The following DLG2 variants were observed in gnomAD, a reference collection of about 807,000 sequenced individuals.
DLG2 encodes disks large homolog 2.
A neutral mutation model predicts 132.5 loss-of-function variants in DLG2; 45 were observed. The observed-to-expected ratio is 0.34, with a 90% CI of 0.27 to 0.44. DLG2 has a LOEUF of 0.44. Ranked by LOEUF, DLG2 falls within the 20% of genes least tolerant of loss-of-function variation. The pLI is 1.00. For synonymous variants in DLG2, 424 were observed against 419.6 expected (o/e 1.01, Z -0.13); for missense variants, 1,045 against 1,196.9 (o/e 0.87, Z 1.87).
At chr11:84,177,727 G>A (rs1164424902) in intron 8 of DLG2, among the ~76,000 whole-genome samples, 1 of 152,120 alleles carries the variant, frequency 6.6e-6, no homozygotes, top group East Asian at 1.9e-4. Context: ...TGTAAGTGGG[G>A]TCAAAATGAA....
chr11:85,072,179 C>A (rs1217331491), intron 6 of DLG2, among the ~76,000 whole-genome samples: 2 of 151,768 alleles, frequency 1.3e-5, no homozygotes, highest in South Asian at 2.1e-4. Context: ...CTAATTTTTA[C>A]AATAGGCCAT....
At chr11:85,084,925 C>T (rs2154173394) in intron 6 of DLG2, among the ~76,000 whole-genome samples, 1 of 152,230 alleles carries the variant, frequency 6.6e-6, no homozygotes, top group East Asian at 1.9e-4. Flanking sequence ...CGAAGATAGC[C>T]TCTCAAAGCT....
chr11:83,796,808 T>G (rs979822988), intron 17 of DLG2, among the ~76,000 whole-genome samples: 14 of 152,208 alleles, frequency 9.2e-5, no homozygotes, highest in African/African-American at 3.4e-4. Context: ...AAGGGAAGAA[T>G]GAACTAGAGT....
chr11:84,410,683 G>A (rs1339014565), intron 7 of DLG2, among the ~76,000 whole-genome samples: 2 of 148,964 alleles, frequency 1.3e-5, no homozygotes, highest in Admixed American at 6.8e-5. Flanking sequence ...AGGTTCAAGC[G>A]ATTCTTCTAC....
rs182816390 is a variant in DLG2, at chr11:85,475,610, T to A, written c.40+123047A>T. The stretch of plus-strand genomic sequence containing the variant: ...ACAAAATTATCTCAAAAGAGAATAC[T>A]ATTAGATAATAATAAAGACTGCTGG... On this transcript the variant is annotated intron_variant, in intron 3 of 27. Coordinates refer to ENST00000376104, the MANE Select transcript of DLG2 (RefSeq NM_001142699.3). Among the ~76,000 whole-genome samples, 5 of 152,264 alleles carry A rather than the reference T, an allele frequency of 3.3e-5. No homozygotes were observed. The East Asian group carries it at 9.6e-4, about 29-fold the overall frequency.
chr11:84,840,915 C>T (rs1212820480), intron 6 of DLG2, among the ~76,000 whole-genome samples: 2 of 151,160 alleles, frequency 1.3e-5, no homozygotes, highest in Admixed American at 1.3e-4. Flanking sequence ...GTACAGCACA[C>T]CAACATGGCA....
At chr11:84,347,591 T>C (rs952805145) in intron 7 of DLG2, among the ~76,000 whole-genome samples, 2 of 152,174 alleles carry the variant, frequency 1.3e-5, no homozygotes, top group Admixed American at 6.5e-5. Flanking sequence ...TTCTGTGACA[T>C]GGAGGAAAAA....
At chr11:85,179,251 A>G (rs924961871) in intron 4 of DLG2, among the ~76,000 whole-genome samples, 1 of 151,874 alleles carries the variant, frequency 6.6e-6, no homozygotes, top group Non-Finnish European at 1.5e-5. Context: ...CAAAAGGGAG[A>G]GTGCAAGCAT....
At chr11:83,989,858 G>A (rs2093604760) in intron 11 of DLG2, among the ~76,000 whole-genome samples, 1 of 152,108 alleles carries the variant, frequency 6.6e-6, no homozygotes, top group African/African-American at 2.4e-5. Flanking sequence ...CACTTAAAAT[G>A]GCCAAAATAC....
intron 7 of DLG2, among the ~76,000 whole-genome samples, chr11:84,523,611 C>T (rs1213490562): frequency 2.0e-5 from 3 of 152,168 alleles, no homozygotes; most frequent in East Asian, 1.9e-4. Flanking sequence ...GTAGAAGTTA[C>T]GTATCATTTT....
intron 6 of DLG2, among the ~76,000 whole-genome samples, chr11:84,817,619 G>A (rs2077213811): frequency 1.3e-5 from 2 of 151,964 alleles, no homozygotes; most frequent in Admixed American, 6.6e-5. Context: ...ATGAGTCTGG[G>A]AGAGAATGAT....
rs549874608 is a variant in DLG2, at chr11:85,611,231, G to A, written c.-92-12443C>T. On this transcript the variant is annotated intron_variant, in intron 2 of 27. Transcript: ENST00000376104. The stretch of plus-strand genomic sequence containing the variant: ...TGTGGCAGTGGCCATCTTAGTGTCA[G>A]AGGCTATCAAGATAATACAAGGAAA... 1.6e-4 allele frequency among the ~76,000 whole-genome samples: 25 copies of A among 152,300 alleles called. No homozygotes were observed. The East Asian group carries it at 2.3e-3, about 14-fold the overall frequency.
intron 3 of DLG2, among the ~76,000 whole-genome samples, chr11:85,578,195 A>G (rs2078276797): frequency 1.3e-5 from 2 of 152,220 alleles, no homozygotes; most frequent in Middle Eastern, 3.2e-3. Context: ...CATATGCAGA[A>G]GACTAAAACC....
At chr11:83,723,678 A>G (rs2089292219) in intron 18 of DLG2, among the ~76,000 whole-genome samples, 2 of 152,084 alleles carry the variant, frequency 1.3e-5, no homozygotes. Context: ...AGCATGGTGA[A>G]ACTCTGTCTC....
chr11:85,615,510 C>A (rs2081275558), intron 2 of DLG2, among the ~76,000 whole-genome samples: 1 of 151,546 alleles, frequency 6.6e-6, no homozygotes, highest in Non-Finnish European at 1.5e-5. Context: ...GAGCAAGATT[C>A]CATCTCAAAA....
At chr11:85,280,977 G>T (rs1565261763) in intron 4 of DLG2, among the ~76,000 whole-genome samples, 2 of 151,928 alleles carry the variant, frequency 1.3e-5, no homozygotes, top group Admixed American at 1.3e-4. Context: ...GTCATCTTAT[G>T]ATATCAACAA....
intron 16 of DLG2, among the ~76,000 whole-genome samples, chr11:83,862,523 T>G (rs1468027789): frequency 6.6e-6 from 1 of 152,094 alleles, no homozygotes; most frequent in Non-Finnish European, 1.5e-5. Flanking sequence ...ATGAATAAAA[T>G]CTAGTATTTG....
At chr11:84,151,436 C>T (rs1035340197) in intron 9 of DLG2, among the ~76,000 whole-genome samples, 1 of 152,044 alleles carries the variant, frequency 6.6e-6, no homozygotes, top group Admixed American at 6.6e-5. Context: ...TTTGAGTCTT[C>T]TCTTTATTTC....
At chr11:84,897,737 C>T (rs1437168511) in intron 6 of DLG2, among the ~76,000 whole-genome samples, 1 of 151,816 alleles carries the variant, frequency 6.6e-6, no homozygotes, top group African/African-American at 2.4e-5. Flanking sequence ...ATCTCAATTA[C>T]ATAGTGTTTC....
Sources: gnomAD v4.1 joint callset for allele counts (sites outside exome capture counted in the v4.1 genomes callset) on GRCh38, gnomAD v4.1.1 for gene constraint, MANE v1.5 for transcripts, NCBI Gene and HGNC (gene_info 2026-07-23, HGNC 2026-07-21) for gene names.